Variants in KMT5B observed in about 807,000 individuals in gnomAD.
KMT5B encodes histone-lysine N-methyltransferase KMT5B.
In KMT5B, 10 loss-of-function variants were observed where a neutral mutation model predicts 83.2. The ratio of observed to expected loss-of-function variants is 0.12; its 90% confidence interval spans 0.07 to 0.20. The LOEUF is 0.20. Ranked by LOEUF, KMT5B falls within the 10% of genes least tolerant of loss-of-function variation. KMT5B has a pLI of 1.00. For missense variants in KMT5B, 753 were observed against 1,067.2 expected (o/e 0.71, Z 4.10); for synonymous variants, 349 against 388.8 (o/e 0.90, Z 1.20).
intron 1 of KMT5B, among the ~76,000 whole-genome samples, chr11:68,194,189 G>GT (rs1160247623): frequency 0.015 from 1,952 of 130,630 alleles, 26 homozygotes; most frequent in African/African-American, 0.032. Context: ...CAAGTACCAA[G>GT]TTTTTTTTTT....
rs1243337812 is a variant in KMT5B, at chr11:68,175,001, A to C, written c.543+17T>G. ...CTTATCCAAATAGGTTAACAGCATCAGTCTTAATAAACTTACATGTTCTTT... is the reference window on the plus strand; with the variant it reads ...CTTATCCAAATAGGTTAACAGCATCCGTCTTAATAAACTTACATGTTCTTT... On this transcript the variant is annotated intron_variant, in intron 5 of 10. Transcript: ENST00000304363. 6.2e-7 allele frequency: 1 copy of C among 1,605,342 alleles called. No individual in the cohort carries two copies.
In KMT5B at chr11:68,156,201, G is replaced by C. The variant is rs1216385995; in HGVS notation, c.*1487C>G. 1 of 152,076 alleles carries C rather than the reference G, an allele frequency of 6.6e-6. No individual in the cohort carries two copies. Among genetic ancestry groups the C allele is most frequent in the African/African-American group, 2.4e-5 (1 of 41,388 alleles). The allele number at this position is 152,076 out of a possible 1,614,324, so 9.4% of individuals were successfully genotyped here. On this transcript the variant is annotated 3_prime_UTR_variant, in exon 11 of 11. Transcript: ENST00000304363. ...ATCCCCTGAATTGATTTTTACTTAGGAACACTGTATATCAGAAAGTACAGG... is the reference window on the plus strand; with the variant it reads ...ATCCCCTGAATTGATTTTTACTTAGCAACACTGTATATCAGAAAGTACAGG...
rs1045759866 is a variant in KMT5B at position 68,180,711 on chromosome 11, G to A, written c.309-511C>T. Among the ~76,000 whole-genome samples the A allele has an allele frequency of 3.3e-5, 5 of 152,098 alleles. No individual in the cohort carries two copies. The South Asian group carries it at 1.0e-3, about 32-fold the overall frequency. ...CACTGCTGGCCTGAGTCGCCTTCGC[G>A]CCTCAGGATACTGTGACATCTCAGG... is the stretch of plus-strand genomic sequence containing the variant. On this transcript the variant is annotated intron_variant, in intron 3 of 10. Coordinates refer to ENST00000304363, the MANE Select transcript of KMT5B (RefSeq NM_017635.5).
chr11:68,208,570 G>C (rs980239780), intron 1 of KMT5B, among the ~76,000 whole-genome samples: 1 of 152,186 alleles, frequency 6.6e-6, no homozygotes, highest in African/African-American at 2.4e-5. Context: ...AGAGATGTAA[G>C]TAAGTATGTG....
At chr11:68,172,656 A>G (rs1193381200) in intron 6 of KMT5B, among the ~76,000 whole-genome samples, 1 of 152,150 alleles carries the variant, frequency 6.6e-6, no homozygotes, top group South Asian at 2.1e-4. Flanking sequence ...TTCTCAATTC[A>G]GACTAGCTAC....
intron 4 of KMT5B, among the ~76,000 whole-genome samples, chr11:68,177,487 A>G (rs1384361618): frequency 6.6e-6 from 1 of 152,174 alleles, no homozygotes; most frequent in African/African-American, 2.4e-5. Flanking sequence ...GAGGTCCTGA[A>G]CAGGTATAAT....
chr11:68,164,942 G>A (rs1215923542), intron 10 of KMT5B, among the ~76,000 whole-genome samples: 9 of 152,224 alleles, frequency 5.9e-5, no homozygotes, highest in Non-Finnish European at 7.3e-5. Flanking sequence ...ATTTCAGTAA[G>A]TATTTAGTTT....
At chr11:68,166,319 T>G (rs150317307) in intron 10 of KMT5B, 14 of 1,056,090 alleles carry the variant, frequency 1.3e-5, no homozygotes, top group Admixed American at 5.1e-5. Flanking sequence ...GTTCTCTTTT[T>G]CAGTTTCCAT....
chr11:68,186,445 A>G (rs149492598), intron 2 of KMT5B, among the ~76,000 whole-genome samples: 169 of 152,334 alleles, frequency 1.1e-3, no homozygotes, highest in African/African-American at 4.0e-3. Context: ...TTTGCAGGCA[A>G]CTGAGGCCCA....
intron 1 of KMT5B, among the ~76,000 whole-genome samples, chr11:68,191,113 A>G (rs1038582189): frequency 1.3e-5 from 2 of 151,686 alleles, no homozygotes; most frequent in Non-Finnish European, 2.9e-5. Flanking sequence ...CCTCCCACTC[A>G]GCCTCCCAAG....
At position 68,206,799 on chromosome 11, in the gene KMT5B, G is replaced by A. The variant is rs548674784; in HGVS notation, c.-77+6339C>T. On this transcript the variant is annotated intron_variant, in intron 1 of 10. Coordinates refer to ENST00000304363, the MANE Select transcript of KMT5B (RefSeq NM_017635.5). The stretch of plus-strand genomic sequence containing the variant: ...CTATTCCCCACCATAACTCACACAT[G>A]AAAAAAAAAATCTCATCACCTCACC... 2.9e-4 allele frequency among the ~76,000 whole-genome samples: 43 copies of A among 149,508 alleles called. 2 individuals carry two copies. The Middle Eastern group carries it at 0.01, about 36-fold the overall frequency.
At chr11:68,167,738 G>A (rs1855450539) in intron 9 of KMT5B, among the ~76,000 whole-genome samples, 1 of 152,160 alleles carries the variant, frequency 6.6e-6, no homozygotes, top group African/African-American at 2.4e-5. Flanking sequence ...ATTTACAGGC[G>A]TGAGCCACAA....
intron 10 of KMT5B, chr11:68,166,607 C>G: frequency 9.8e-7 from 1 of 1,015,292 alleles, no homozygotes; most frequent in Non-Finnish European, 1.2e-6. Flanking sequence ...TGGCTAGGCA[C>G]TGGAATGTAT....
intron 10 of KMT5B, chr11:68,166,748 CCA>C (rs1279281758): frequency 2.2e-6 from 3 of 1,370,846 alleles, no homozygotes; most frequent in Admixed American, 3.1e-5. Flanking sequence ...GAACTCATAT[CCA>C]GTTACCAAGG....
Position 68,157,529 on chromosome 11 carries a change from T to C in KMT5B, c.*159A>G. On this transcript the variant is annotated 3_prime_UTR_variant, in exon 11 of 11. Transcript: ENST00000304363. ...GATAAAAATTTGCACAAATCAGACT[T>C]AAGAATTGAGTCAGTATGCTGTACA... 1 of 1,098,824 alleles carries C rather than the reference T, an allele frequency of 9.1e-7. No homozygotes were observed. Among genetic ancestry groups the C allele is most frequent in the Non-Finnish European group, 1.2e-6 (1 of 847,186 alleles). 68.1% of individuals were successfully genotyped at this position (1,098,824 alleles called of 1,614,324 possible). A position where few individuals can be genotyped will look rare whatever the true frequency, so the allele number is the denominator to read the frequency against.
intron 3 of KMT5B, among the ~76,000 whole-genome samples, chr11:68,183,619 A>G (rs913646498): frequency 6.7e-6 from 1 of 149,648 alleles, no homozygotes; most frequent in African/African-American, 2.5e-5. Context: ...TCGGCCTCCC[A>G]AAGTGCTGGG....
At chr11:68,186,696 G>C (rs1857468342) in intron 2 of KMT5B, among the ~76,000 whole-genome samples, 1 of 152,228 alleles carries the variant, frequency 6.6e-6, no homozygotes, top group Admixed American at 6.5e-5. Context: ...GATTAAGTTT[G>C]ATGTATATGC....
At chr11:68,164,046 G>C (rs1855085073) in intron 10 of KMT5B, among the ~76,000 whole-genome samples, 1 of 152,132 alleles carries the variant, frequency 6.6e-6, no homozygotes, top group Non-Finnish European at 1.5e-5. Context: ...TAACTTCAGA[G>C]GGGGCAGCCC....
At chr11:68,165,884 T>C in intron 10 of KMT5B, 1 of 1,612,882 alleles carries the variant, frequency 6.2e-7, no homozygotes, top group Non-Finnish European at 8.5e-7. Flanking sequence ...AGCAGGTAGA[T>C]TCAGGAATTC....
Sources: allele counts gnomAD v4.1 joint callset (sites outside exome capture counted in the v4.1 genomes callset), GRCh38; gene constraint gnomAD v4.1.1; transcripts MANE v1.5; gene names NCBI Gene and HGNC (gene_info 2026-07-23, HGNC 2026-07-21).